The following ANKRD27 variants were observed in gnomAD, a reference collection of about 807,000 sequenced individuals.
The protein encoded by ANKRD27 is ankyrin repeat domain 27.
Under a neutral mutation model 129.7 loss-of-function variants are expected in ANKRD27, and 112 were observed. That is an observed-to-expected ratio of 0.86 (90% CI 0.74 to 1.01). The LOEUF is 1.01. ANKRD27 is among the 50% of genes least tolerant of loss of function. ANKRD27 has a pLI of 0.00. For missense variants in ANKRD27, 1,258 were observed against 1,300.5 expected (o/e 0.97, Z 0.50); for synonymous variants, 516 against 511.2 (o/e 1.01, Z -0.13).
chr19:32,667,917 T>C (rs911542584), intron 1 of ANKRD27, among the ~76,000 whole-genome samples: 1 of 152,040 alleles, frequency 6.6e-6, no homozygotes, highest in African/African-American at 2.4e-5. Context: ...AGCAACTATT[T>C]AAAAAGCGTA....
intron 12 of ANKRD27, chr19:32,638,902 C>T: frequency 4.7e-6 from 1 of 212,948 alleles, no homozygotes; most frequent in Non-Finnish European, 9.2e-6. Context: ...GTAGCACAAG[C>T]CGAGCGCAGC....
intron 20 of ANKRD27, among the ~76,000 whole-genome samples, chr19:32,618,696 G>T (rs978217494): frequency 6.6e-6 from 1 of 152,004 alleles, no homozygotes; most frequent in Admixed American, 6.6e-5. Flanking sequence ...CAGCACCCAT[G>T]GGGGGGCCAT....
chr19:32,672,899 T>A (rs1967899705), intron 1 of ANKRD27: 2 of 152,192 alleles, frequency 1.3e-5, no homozygotes, highest in Non-Finnish European at 2.9e-5. Flanking sequence ...CTGGGCTGAA[T>A]CCTTTCTAGG....
At chr19:32,658,121 C>T (rs1468789180) in intron 2 of ANKRD27, among the ~76,000 whole-genome samples, 1 of 152,164 alleles carries the variant, frequency 6.6e-6, no homozygotes, top group Non-Finnish European at 1.5e-5. Context: ...AGTAAAGTCG[C>T]CCCACGGGAT....
At position 32,667,750 on chromosome 19, in the gene ANKRD27, T is replaced by C. The variant is rs1037933857; in HGVS notation, c.-31+7321A>G. 2.0e-5 allele frequency among the ~76,000 whole-genome samples: 3 copies of C among 149,174 alleles called. No homozygotes were observed. The Admixed American group carries it at 2.1e-4, about 10-fold the overall frequency. Reference sequence around the variant, plus strand: ...AGGAGGCTGAAGCAGGAGAATCGCTTGAATCCAGGAGATGGAGGTTGCAGT... The same window carrying C: ...AGGAGGCTGAAGCAGGAGAATCGCTCGAATCCAGGAGATGGAGGTTGCAGT... On this transcript the variant is annotated intron_variant, in intron 1 of 28. Coordinates refer to ENST00000306065, the MANE Select transcript of ANKRD27 (RefSeq NM_032139.3).
Position 32,631,317 on chromosome 19 carries a change from C to T in ANKRD27, c.1209+85G>A. 5.4e-6 allele frequency: 7 copies of T among 1,304,032 alleles called. No individual in the cohort carries two copies. The South Asian group carries it at 8.5e-5, about 16-fold the overall frequency. 80.8% of individuals were successfully genotyped at this position (1,304,032 alleles called of 1,614,324 possible). A position where few individuals can be genotyped will look rare whatever the true frequency, so the allele number is the denominator to read the frequency against. ...TATAGGCATGAGCCACCATGCCTGG[C>T]CAACCCTGATGGATTTTATAGAGGC... is the stretch of plus-strand genomic sequence containing the variant. On this transcript the variant is annotated intron_variant, in intron 13 of 28. Transcript: ENST00000306065.
rs1231347848 is a variant in ANKRD27 at position 32,664,069 on chromosome 19, AAAAAAG to A, written c.-30-5030_-30-5025del. ...AGACTCTGTCTCAAAAAAAAAAAAA[AAAAAAG>A]AAAGAAATAGGGTGCAATTAATTTT... is the stretch of plus-strand genomic sequence containing the variant. On this transcript the variant is annotated intron_variant, in intron 1 of 28. Coordinates refer to ENST00000306065, the MANE Select transcript of ANKRD27 (RefSeq NM_032139.3). Among the ~76,000 whole-genome samples, 20 of 123,310 alleles carry A rather than the reference AAAAAAG, an allele frequency of 1.6e-4. 1 individual carries two copies. The highest frequency in any genetic ancestry group is 1.1e-3 in the African/African-American group (19 of 18,074). 80.9% of individuals were successfully genotyped at this position (123,310 alleles called of 152,430 possible).
chr19:32,659,825 C>T (rs1314754335), intron 1 of ANKRD27, among the ~76,000 whole-genome samples: 2 of 152,016 alleles, frequency 1.3e-5, no homozygotes, highest in Non-Finnish European at 2.9e-5. Flanking sequence ...TAGGAGGATC[C>T]TGTGAGCCCA....
At chr19:32,635,891 A>C (rs1228168352) in intron 12 of ANKRD27, among the ~76,000 whole-genome samples, 1 of 152,232 alleles carries the variant, frequency 6.6e-6, no homozygotes, top group Non-Finnish European at 1.5e-5. Context: ...AGTCACGTGG[A>C]GGCAGAGGCT....
rs1249678286 is a variant in ANKRD27, at chr19:32,654,001, C to T, written c.103-4209G>A. Among the ~76,000 whole-genome samples, 4 of 152,020 alleles carry T rather than the reference C, an allele frequency of 2.6e-5. No individual in the cohort carries two copies. In the South Asian group the frequency reaches 6.2e-4, roughly 24 times the overall value. On this transcript the variant is annotated intron_variant, in intron 2 of 28. Transcript: ENST00000306065. ...CTGCAACCTCCGCCTCCCGGGTTCA[C>T]GCGATTCTCCTGCCTCAGCCTCCCC...
rs1971622424 is a variant in ANKRD27, at chr19:32,599,738, C to A, written c.2885G>T (p.Ser962Ile). The change falls in exon 28 of 29, where the codon AGT becomes ATT. Residue 962 changes from serine to isoleucine, a missense_variant. Physicochemically the swap from Ser to Ile is moderately radical, Grantham distance 142 (BLOSUM62 -2). Transcript: ENST00000306065. ...TSREIMARDR[S>I]VPNLTEGSLH... is the part of the protein sequence containing the mutation. ...AGAACCTTCGGTTAAATTAGGGACA[C>A]TTCTATCTCTTGCCATAATCTCCCT... 12 of 1,613,794 alleles carry A rather than the reference C, an allele frequency of 7.4e-6. No homozygotes were observed. The highest frequency in any genetic ancestry group is 1.0e-5 in the Non-Finnish European group (12 of 1,179,960).
chr19:32,641,753 T>G (rs1425284742), intron 10 of ANKRD27, among the ~76,000 whole-genome samples: 2 of 145,482 alleles, frequency 1.4e-5, no homozygotes, highest in Admixed American at 7.2e-5. Flanking sequence ...TTGACTTGTT[T>G]TCTTTTACTT....
At chr19:32,659,858 A>C (rs1027401533) in intron 1 of ANKRD27, among the ~76,000 whole-genome samples, 1 of 152,190 alleles carries the variant, frequency 6.6e-6, no homozygotes, top group Admixed American at 6.6e-5. Flanking sequence ...CAGACTGGGC[A>C]ATACAGCAAA....
At chr19:32,657,256 G>T (rs1967556535) in intron 2 of ANKRD27, among the ~76,000 whole-genome samples, 1 of 152,010 alleles carries the variant, frequency 6.6e-6, no homozygotes, top group Non-Finnish European at 1.5e-5. Flanking sequence ...GAGGTCAGGA[G>T]ATCGAGACCA....
At chr19:32,664,135 G>A (rs1277640660) in intron 1 of ANKRD27, among the ~76,000 whole-genome samples, 2 of 150,164 alleles carry the variant, frequency 1.3e-5, no homozygotes, top group African/African-American at 4.9e-5. Flanking sequence ...TCCAAAATAT[G>A]ATATTTTCAA....
At position 32,605,652 on chromosome 19, in the gene ANKRD27, C is replaced by G. The variant is rs1002313976; in HGVS notation, c.2493+183G>C. Among the ~76,000 whole-genome samples the G allele has an allele frequency of 9.8e-5, 15 of 152,326 alleles. No individual in the cohort carries two copies. In the East Asian group the frequency reaches 2.9e-3, roughly 29 times the overall value. On this transcript the variant is annotated intron_variant, in intron 24 of 28. Coordinates refer to ENST00000306065, the MANE Select transcript of ANKRD27 (RefSeq NM_032139.3). Reference sequence around the variant, plus strand: ...TGAGACCGCATCCCAGATGCTGGGGCACCATCTGTTCCCATCGGAGAACCC... The same window carrying G: ...TGAGACCGCATCCCAGATGCTGGGGGACCATCTGTTCCCATCGGAGAACCC...
intron 26 of ANKRD27, among the ~76,000 whole-genome samples, chr19:32,600,561 G>A (rs1212178486): frequency 2.6e-5 from 4 of 152,040 alleles, no homozygotes; most frequent in African/African-American, 9.7e-5. Flanking sequence ...TACAAAATCC[G>A]AGACATTTTG....
chr19:32,637,502 G>T lies in ANKRD27; in HGVS notation c.1116+1854C>A, dbSNP rs17760227. 2,597 of 152,360 alleles carry T rather than the reference G, an allele frequency of 0.017. 133 individuals are homozygous for T. In the East Asian group the frequency reaches 0.21, roughly 12 times the overall value. The allele number at this position is 152,360 out of a possible 1,614,324, so 9.4% of individuals were successfully genotyped here. ...GAGTCCTCAAATTGCACACATTAAT[G>T]GTCTCACAGATGGCAGTGGCAGCCC... On this transcript the variant is annotated intron_variant, in intron 12 of 28. Transcript: ENST00000306065.
At chr19:32,622,672 A>T (rs1202230281) in intron 17 of ANKRD27, 53 bp from the exon 18 acceptor site, 1 of 1,583,472 alleles carries the variant, frequency 6.3e-7, no homozygotes, top group African/African-American at 1.3e-5. Context: ...AGCCTCGACA[A>T]GGTCCGTGCT....
Sources: allele counts gnomAD v4.1 joint callset (sites outside exome capture counted in the v4.1 genomes callset), GRCh38; gene constraint gnomAD v4.1.1; transcripts MANE v1.5; gene names NCBI Gene and HGNC (gene_info 2026-07-23, HGNC 2026-07-21).